SEC22B: variants seen among roughly 807,000 people sequenced by gnomAD.
SEC22B encodes the protein SEC22 homolog B, vesicle trafficking protein.
A neutral mutation model predicts 31.4 loss-of-function variants in SEC22B; 10 were observed. The observed-to-expected ratio is 0.32, with a 90% CI of 0.20 to 0.54. SEC22B has a LOEUF of 0.54. Among genes scored for constraint, SEC22B ranks in the 20% least tolerant of loss-of-function variants. The pLI is 0.94. For missense variants in SEC22B, 130 were observed against 263.4 expected, an observed-to-expected ratio of 0.49 and a Z score of 3.50; for synonymous variants, 60 against 95.9, an observed-to-expected ratio of 0.63 and a Z score of 2.19.
In SEC22B at chr1:120,150,906, A is replaced by G. The variant is rs1204363667; in HGVS notation, c.*6132T>C. On this transcript the variant is annotated 3_prime_UTR_variant, in exon 5 of 5. Coordinates refer to ENST00000578049, the MANE Select transcript of SEC22B (RefSeq NM_004892.6). ...AGAAGGGGACCGAGTTTGTGCAAAC[A>G]AAAAGCGCAAAATAGAAGAGGCAGC... 6.6e-6 allele frequency: 1 copy of G among 152,196 alleles called. No individual in the cohort carries two copies. Among genetic ancestry groups the G allele is most frequent in the Non-Finnish European group, 1.5e-5 (1 of 68,048 alleles). 9.4% of individuals were successfully genotyped at this position (152,196 alleles called of 1,614,324 possible).
In SEC22B at chr1:120,153,139, G is replaced by A. The variant is rs1358696509; in HGVS notation, c.*3899C>T. The A allele has an allele frequency of 6.6e-6, 1 of 151,880 alleles. No homozygotes were observed. The highest frequency in any genetic ancestry group is 2.4e-5 in the African/African-American group (1 of 41,236). The allele number at this position is 151,880 out of a possible 1,614,324, so 9.4% of individuals were successfully genotyped here. A position where few individuals can be genotyped will look rare whatever the true frequency, so the allele number is the denominator to read the frequency against. On this transcript the variant is annotated 3_prime_UTR_variant, in exon 5 of 5. Transcript: ENST00000578049. ...TTATACTGCTAGGTCAACGCTGCCT[G>A]ACAGTAATAAGAATAGGATGTGAGA...
chr1:120,171,330 G>A (rs1657892586), intron 1 of SEC22B, among the ~76,000 whole-genome samples: 2 of 111,794 alleles, frequency 1.8e-5, no homozygotes, highest in Admixed American at 1.6e-4. Context: ...AAGAGGCACT[G>A]TAAACATTAC....
rs1557896022 is a variant in SEC22B, at chr1:120,176,340, G to A, written c.42C>T (p.Leu14=). The A allele has an allele frequency of 1.9e-6, 3 of 1,612,734 alleles. No homozygotes were observed. Among genetic ancestry groups the A allele is most frequent in the African/African-American group, 1.3e-5 (1 of 75,032 alleles). ...CCTCCTGCATCGAGGCGGCCAGCGG[G>A]AGCCCGTCCGCCACTCGGGCGATCA... is the stretch of plus-strand genomic sequence containing the variant. ...LTMIARVADG[L]PLAASMQEDE... The change falls in exon 1 of 5, where the codon CTC becomes CTT. Residue 14 remains leucine (L), a synonymous_variant. Transcript: ENST00000578049.
chr1:120,159,782 A>C (rs1657684121), intron 4 of SEC22B, among the ~76,000 whole-genome samples: 1 of 152,088 alleles, frequency 6.6e-6, no homozygotes, highest in South Asian at 2.1e-4. Context: ...ATAGACCACT[A>C]AGGATAGTAA....
At chr1:120,169,191 G>T (rs1487168062) in intron 1 of SEC22B, among the ~76,000 whole-genome samples, 1 of 152,360 alleles carries the variant, frequency 6.6e-6, no homozygotes, top group African/African-American at 2.4e-5. Flanking sequence ...ATACACTTAA[G>T]CACTCTTAAC....
intron 1 of SEC22B, among the ~76,000 whole-genome samples, chr1:120,174,121 TG>T (rs1657923648): frequency 6.7e-6 from 1 of 148,330 alleles, no homozygotes; most frequent in Non-Finnish European, 1.5e-5. Flanking sequence ...GGAAAAACCC[TG>T]ATGAAAAATT....
chr1:120,157,290 T>C, intron 4 of SEC22B, 98 bp from the exon 5 acceptor site: 2 of 841,458 alleles, frequency 2.4e-6, no homozygotes, highest in Non-Finnish European at 3.3e-6. Context: ...GCAACAACCA[T>C]GAATCTTAAA....
intron 2 of SEC22B, among the ~76,000 whole-genome samples, chr1:120,167,169 C>A (rs1219071596): frequency 6.7e-6 from 1 of 150,312 alleles, no homozygotes; most frequent in Non-Finnish European, 1.5e-5. Flanking sequence ...ATCTTCTATA[C>A]CATCAGTTTT....
rs1255920666 is a variant in SEC22B, at chr1:120,156,316, A to C, written c.*722T>G. The C allele has an allele frequency of 2.0e-5, 3 of 151,864 alleles. No individual in the cohort carries two copies. Among genetic ancestry groups the C allele is most frequent in the Non-Finnish European group, 4.4e-5 (3 of 67,908 alleles). 9.4% of individuals were successfully genotyped at this position (151,864 alleles called of 1,614,324 possible). A position where few individuals can be genotyped will look rare whatever the true frequency, so the allele number is the denominator to read the frequency against. On this transcript the variant is annotated 3_prime_UTR_variant, in exon 5 of 5. Transcript: ENST00000578049. ...AGTAATAATGACCCAAACTAATTTAAGTCTTTTGTTTAAGGAGTAAATGAG... is the reference window on the plus strand; with the variant it reads ...AGTAATAATGACCCAAACTAATTTACGTCTTTTGTTTAAGGAGTAAATGAG...
At chr1:120,162,575 A>T (rs1163941127) in intron 3 of SEC22B, among the ~76,000 whole-genome samples, 2 of 150,250 alleles carry the variant, frequency 1.3e-5, no homozygotes, top group Non-Finnish European at 3.0e-5. Context: ...TACTTACTGT[A>T]CTTAGGACAT....
Position 120,163,582 on chromosome 1 carries a change from C to CTT in SEC22B, c.186-214_186-213dup, listed in dbSNP as rs1287701857. Among the ~76,000 whole-genome samples the CTT allele has an allele frequency of 5.3e-5, 5 of 94,038 alleles. 1 individual carries two copies. Among genetic ancestry groups the CTT allele is most frequent in the African/African-American group, 3.1e-4 (3 of 9,766 alleles). The allele number at this position is 94,038 out of a possible 152,430, so 61.7% of individuals were successfully genotyped here. A position where few individuals can be genotyped will look rare whatever the true frequency, so the allele number is the denominator to read the frequency against. On this transcript the variant is annotated intron_variant, in intron 2 of 4. Coordinates refer to ENST00000578049, the MANE Select transcript of SEC22B (RefSeq NM_004892.6). ...ATTAGATGTATATTCTTTTTTTTTT[C>CTT]TTTTTTTTTTTGAGACGGAGTCTCG...
At chr1:120,170,512 A>T (rs1201938640) in intron 1 of SEC22B, among the ~76,000 whole-genome samples, 39,788 of 148,376 alleles carry the variant, frequency 0.27, 10,061 homozygotes, top group African/African-American at 0.68. Flanking sequence ...AATTTCAATA[A>T]GAATAAGAAG....
chr1:120,161,032 C>A (rs1321058303), intron 3 of SEC22B, among the ~76,000 whole-genome samples: 5 of 152,106 alleles, frequency 3.3e-5, no homozygotes, highest in Non-Finnish European at 7.4e-5. Flanking sequence ...TATAATTAGA[C>A]GACCATTCAG....
intron 2 of SEC22B, among the ~76,000 whole-genome samples, chr1:120,166,510 T>C: frequency 7.1e-6 from 1 of 141,008 alleles, no homozygotes; most frequent in African/African-American, 3.1e-5. Flanking sequence ...GGACATTAAG[T>C]TAAATAAAAT....
intron 1 of SEC22B, among the ~76,000 whole-genome samples, chr1:120,169,399 A>G (rs1657861111): frequency 6.6e-6 from 1 of 152,190 alleles, no homozygotes; most frequent in Non-Finnish European, 1.5e-5. Context: ...GCATTTAAAC[A>G]AAACTAAATG....
At chr1:120,163,646 G>T (rs1351496677) in intron 2 of SEC22B, among the ~76,000 whole-genome samples, 1 of 150,870 alleles carries the variant, frequency 6.6e-6, no homozygotes, top group Non-Finnish European at 1.5e-5. Flanking sequence ...CATTATCTCG[G>T]CTCACTGCAA....
At chr1:120,159,474 A>G (rs1346109432) in intron 4 of SEC22B, 1 of 150,240 alleles carries the variant, frequency 6.7e-6, no homozygotes, top group African/African-American at 2.4e-5. Context: ...TTATCCAAAT[A>G]TGTTTGCCTA....
Position 120,153,423 on chromosome 1 carries a change from T to C in SEC22B, c.*3615A>G, listed in dbSNP as rs1196361645. ...ATGAGATATTTTATTATACATGTTT[T>C]ATTAAACCCTATATGTGCAGAAATG... is the stretch of plus-strand genomic sequence containing the variant. On this transcript the variant is annotated 3_prime_UTR_variant, in exon 5 of 5. Coordinates refer to ENST00000578049, the MANE Select transcript of SEC22B (RefSeq NM_004892.6). 6.6e-6 allele frequency: 1 copy of C among 151,360 alleles called. No homozygotes were observed. The highest frequency in any genetic ancestry group is 6.6e-5 in the Admixed American group (1 of 15,210). 9.4% of individuals were successfully genotyped at this position (151,360 alleles called of 1,614,324 possible).
intron 2 of SEC22B, among the ~76,000 whole-genome samples, chr1:120,167,036 C>A (rs1442097669): frequency 6.8e-6 from 1 of 148,082 alleles, no homozygotes. Flanking sequence ...TCCTAGGGCT[C>A]CATAAAGGAT....
Sources: allele counts gnomAD v4.1 joint callset (sites outside exome capture counted in the v4.1 genomes callset), GRCh38; gene constraint gnomAD v4.1.1; transcripts MANE v1.5; gene names NCBI Gene and HGNC (gene_info 2026-07-23, HGNC 2026-07-21).